COL5A2: variants seen among roughly 807,000 people sequenced by gnomAD.
COL5A2 encodes the protein collagen alpha-2(V) chain.
Under a neutral mutation model 208.2 loss-of-function variants are expected in COL5A2, and 23 were observed. The observed-to-expected ratio is 0.11, with a 90% CI of 0.08 to 0.16. The LOEUF is 0.16. Among genes scored for constraint, COL5A2 ranks in the 10% least tolerant of loss-of-function variants. The probability of loss-of-function intolerance (pLI) is 1.00; values close to 1 mark genes in which losing one functional copy is unlikely to be tolerated. For missense variants in COL5A2, 1,590 were observed against 1,956.4 expected, an observed-to-expected ratio of 0.81 and a Z score of 3.53; for synonymous variants, 625 against 628.5, an observed-to-expected ratio of 0.99 and a Z score of 0.08.
rs1163899517 is a variant in COL5A2, at chr2:189,049,392, C to T, written c.3102G>A (p.Val1034=). The T allele has an allele frequency of 6.2e-7, 1 of 1,613,542 alleles. No homozygotes were observed. The highest frequency in any genetic ancestry group is 1.3e-5 in the African/African-American group (1 of 74,916). ...ATGDKGPPGP[V]GPPGSNGPVG... The stretch of plus-strand genomic sequence containing the variant: ...CAGGACCATTGGAGCCTGGGGGCCC[C>T]ACAGGTCCAGGTGGACCTTTATCTC... The change falls in exon 44 of 54, where the codon GTG becomes GTA. Residue 1034 remains valine (V), a synonymous_variant. Transcript: ENST00000374866.
At chr2:189,368,245 T>C in the COL5A2 span, among the ~76,000 whole-genome samples, 1 of 152,200 alleles carries the variant, frequency 6.6e-6, no homozygotes, top group African/African-American at 2.4e-5. Context: ...ATTTGCAGTC[T>C]AGAAACATAC....
At chr2:189,428,249 G>C in the COL5A2 span, among the ~76,000 whole-genome samples, 4 of 151,976 alleles carry the variant, frequency 2.6e-5, no homozygotes, top group Admixed American at 6.6e-5. Context: ...TGAATCATGG[G>C]GGTGGTTTCT....
At chr2:189,105,454 G>A (rs780840396) in intron 2 of COL5A2, among the ~76,000 whole-genome samples, 1 of 151,408 alleles carries the variant, frequency 6.6e-6, no homozygotes, top group African/African-American at 2.4e-5. Flanking sequence ...ATTTTATTAT[G>A]AGAAAATTTG....
At chr2:189,364,229 C>T in the COL5A2 span, among the ~76,000 whole-genome samples, 8 of 152,172 alleles carry the variant, frequency 5.3e-5, no homozygotes, top group African/African-American at 1.7e-4. Flanking sequence ...TGTAGCTGCA[C>T]TACTAAGAGT....
chr2:189,153,483 C>T (rs1688185715), intron 1 of COL5A2, among the ~76,000 whole-genome samples: 1 of 152,104 alleles, frequency 6.6e-6, no homozygotes, highest in South Asian at 2.1e-4. Context: ...TTCACTAACC[C>T]ATAATATCTA....
rs368591373 is a variant in COL5A2 at position 189,092,416 on chromosome 2, G to A, written c.461C>T (p.Pro154Leu). Residue 154 changes from proline (P) to leucine (L), a missense_variant, in exon 7 of 54, where the codon CCT becomes CTT. Physicochemically the swap from Pro to Leu is moderately conservative, Grantham distance 98. Coordinates refer to ENST00000374866, the MANE Select transcript of COL5A2 (RefSeq NM_000393.5). ...TCCATCAATTCCCTGAGGTCCACGA[G>A]GGCCCTGGAAAACAAGCCAGTTAAA... ...GERGPKGRPGPRGPQGIDGEP... is the reference protein window; with the variant it reads ...GERGPKGRPGLRGPQGIDGEP... The A allele has an allele frequency of 1.3e-6, 2 of 1,589,014 alleles. No individual in the cohort carries two copies. The highest frequency in any genetic ancestry group is 1.7e-6 in the Non-Finnish European group (2 of 1,165,478).
upstream of COL5A2, chr2:189,180,019 G>C (rs1420918446): frequency 2.6e-6 from 1 of 380,144 alleles, no homozygotes; most frequent in Admixed American, 4.2e-5. Context: ...TTTAAGAAAG[G>C]CTGTTAGAAG....
Position 189,108,669 on chromosome 2 carries a change from G to A in COL5A2, c.322+1556C>T, listed in dbSNP as rs112707173. Among the ~76,000 whole-genome samples, 98 of 151,718 alleles carry A rather than the reference G, an allele frequency of 6.5e-4. 2 individuals carry two copies. The highest frequency in any genetic ancestry group is 2.1e-3 in the African/African-American group (87 of 41,446). The stretch of plus-strand genomic sequence containing the variant: ...AGTTTTACTTCATAAAATTTTTCTT[G>A]TATTATATTGTTATTTGTTCTACTC... On this transcript the variant is annotated intron_variant, in intron 2 of 53. Transcript: ENST00000374866.
intron 1 of COL5A2, among the ~76,000 whole-genome samples, chr2:189,120,845 T>G (rs545916070): frequency 6.6e-6 from 1 of 152,352 alleles, no homozygotes; most frequent in East Asian, 1.9e-4. Context: ...GCATTAAGAA[T>G]GTGTTTAAAT....
rs550678180 is a variant in COL5A2 at position 189,042,099 on chromosome 2, A to G, written c.3526-406T>C. On this transcript the variant is annotated intron_variant, in intron 49 of 53. Coordinates refer to ENST00000374866, the MANE Select transcript of COL5A2 (RefSeq NM_000393.5). ...TGTACTATTATTCTGAATTTTATGTATGCTTTGTTTACACTGTATTCAGAT... is the reference window on the plus strand; with the variant it reads ...TGTACTATTATTCTGAATTTTATGTGTGCTTTGTTTACACTGTATTCAGAT... 7.2e-5 allele frequency among the ~76,000 whole-genome samples: 11 copies of G among 152,292 alleles called. No individual in the cohort carries two copies. The South Asian group carries it at 1.9e-3, about 26-fold the overall frequency.
At position 189,053,028 on chromosome 2, in the gene COL5A2, A is replaced by T; in HGVS notation, c.2554-10T>A. 6.2e-7 allele frequency: 1 copy of T among 1,605,402 alleles called. No homozygotes were observed. Among genetic ancestry groups the T allele is most frequent in the Non-Finnish European group, 8.5e-7 (1 of 1,172,300 alleles). Reference sequence around the variant, plus strand: ...GCTGTCCGTCAGGACCCTATAAAAAATTATACAAACAAGCAATTGATTATA... The same window carrying T: ...GCTGTCCGTCAGGACCCTATAAAAATTTATACAAACAAGCAATTGATTATA... On this transcript the variant is annotated splice_polypyrimidine_tract_variant and intron_variant, in intron 38 of 53. Transcript: ENST00000374866.
At chr2:189,291,521 C>A in the COL5A2 span, among the ~76,000 whole-genome samples, 3 of 151,956 alleles carry the variant, frequency 2.0e-5, no homozygotes, top group Non-Finnish European at 4.4e-5. Flanking sequence ...GGCATCTTTC[C>A]CCACAACTTT....
In COL5A2 at chr2:189,052,941, T is replaced by TTTA. The variant is rs1264247191; in HGVS notation, c.2630_2631insTAA (p.Pro877_Gln878insLys). On this transcript the variant is annotated inframe_insertion, in exon 39 of 54. Coordinates refer to ENST00000374866, the MANE Select transcript of COL5A2 (RefSeq NM_000393.5). ...GGCCAGGGGATCCTGCTAAACCTTGTGGTCCAGGAGAACCAGCATCTCCCT... is the reference window on the plus strand; with the variant it reads ...GGCCAGGGGATCCTGCTAAACCTTGTTTAGGTCCAGGAGAACCAGCATCTCCCT... 3 of 1,614,166 alleles carry TTTA rather than the reference T, an allele frequency of 1.9e-6. No homozygotes were observed.
the COL5A2 span, among the ~76,000 whole-genome samples, chr2:189,439,305 A>G: frequency 1.3e-5 from 2 of 152,202 alleles, no homozygotes; most frequent in Non-Finnish European, 2.9e-5. Flanking sequence ...AGCCTGAAAG[A>G]ATGTCTGGCA....
upstream of COL5A2, among the ~76,000 whole-genome samples, chr2:189,181,869 A>G (rs1018682013): frequency 6.6e-6 from 1 of 152,208 alleles, no homozygotes; most frequent in Non-Finnish European, 1.5e-5. Context: ...GCAGTCTCTC[A>G]TGGTTGCCAC....
At chr2:189,339,111 G>A in the COL5A2 span, among the ~76,000 whole-genome samples, 1 of 152,236 alleles carries the variant, frequency 6.6e-6, no homozygotes, top group Non-Finnish European at 1.5e-5. Flanking sequence ...AGCAATTTGG[G>A]AGGCCAAGGT....
At chr2:189,343,587 A>T in the COL5A2 span, among the ~76,000 whole-genome samples, 1 of 152,148 alleles carries the variant, frequency 6.6e-6, no homozygotes, top group East Asian at 1.9e-4. Context: ...CATGTACTCA[A>T]TTCTTTAATT....
the COL5A2 span, among the ~76,000 whole-genome samples, chr2:189,272,661 T>C: frequency 2.0e-5 from 3 of 151,960 alleles, no homozygotes; most frequent in African/African-American, 7.2e-5. Flanking sequence ...AAAGTATAAT[T>C]TTTTTAAAAA....
the COL5A2 span, among the ~76,000 whole-genome samples, chr2:189,346,573 C>A: frequency 6.6e-6 from 1 of 152,102 alleles, no homozygotes. Context: ...TTTGCTTTTA[C>A]TATTTTTAAC....
Sources: allele counts gnomAD v4.1 joint callset (sites outside exome capture counted in the v4.1 genomes callset), GRCh38; gene constraint gnomAD v4.1.1; transcripts MANE v1.5; gene names NCBI Gene and HGNC (gene_info 2026-07-23, HGNC 2026-07-21).